Variants in MARCHF3 observed in about 807,000 individuals in gnomAD.
The protein encoded by MARCHF3 is membrane associated ring-CH-type finger 3.
In MARCHF3, 13 loss-of-function variants were observed where a neutral mutation model predicts 24.2. That is an observed-to-expected ratio of 0.54 (90% CI 0.35 to 0.85). The LOEUF is 0.85. MARCHF3 is among the 40% of genes least tolerant of loss of function. The pLI is 0.01. For missense variants in MARCHF3, 276 were observed against 325.0 expected (o/e 0.85, Z 1.16); for synonymous variants, 144 against 137.3 (o/e 1.05, Z -0.34).
intron 1 of MARCHF3, among the ~76,000 whole-genome samples, chr5:126,965,583 A>C (rs529067046): frequency 1.3e-5 from 2 of 152,346 alleles, no homozygotes; most frequent in South Asian, 2.1e-4. Flanking sequence ...TATTAATATT[A>C]ATGCTGATTG....
intron 1 of MARCHF3, among the ~76,000 whole-genome samples, chr5:126,919,194 C>G (rs1749014816): frequency 6.6e-6 from 1 of 152,162 alleles, no homozygotes; most frequent in South Asian, 2.1e-4. Context: ...TCAAAGCACT[C>G]AGACCCACTG....
At chr5:126,985,775 T>A (rs1751545986) in intron 1 of MARCHF3, among the ~76,000 whole-genome samples, 1 of 152,182 alleles carries the variant, frequency 6.6e-6, no homozygotes, top group Non-Finnish European at 1.5e-5. Context: ...GCGCCCGGCC[T>A]ACCTGGATGA....
chr5:126,973,356 T>C (rs1303834535), intron 1 of MARCHF3, among the ~76,000 whole-genome samples: 1 of 152,252 alleles, frequency 6.6e-6, no homozygotes, highest in African/African-American at 2.4e-5. Context: ...GTAAACACAT[T>C]CTGTATCAGC....
chr5:126,992,845 C>G (rs191878879), intron 1 of MARCHF3, among the ~76,000 whole-genome samples: 2 of 132,550 alleles, frequency 1.5e-5, no homozygotes, highest in Non-Finnish European at 3.1e-5. Flanking sequence ...GATCTCTGTT[C>G]ACTGCAACCT....
chr5:126,873,993 G>C (rs964892879), intron 4 of MARCHF3, among the ~76,000 whole-genome samples: 1 of 152,126 alleles, frequency 6.6e-6, no homozygotes, highest in Admixed American at 6.5e-5. Context: ...CGAGGAAAAA[G>C]AAAACATAAA....
intron 2 of MARCHF3, 61 bp from the exon 3 acceptor site, chr5:126,915,195 G>GC: frequency 2.0e-6 from 3 of 1,536,246 alleles, no homozygotes; most frequent in Non-Finnish European, 2.7e-6. Flanking sequence ...CAAGTGGATG[G>GC]CCCTCTAGCT....
At chr5:126,973,879 A>ATTTTTTTT (rs10585434) in intron 1 of MARCHF3, among the ~76,000 whole-genome samples, 2 of 82,942 alleles carry the variant, frequency 2.4e-5, no homozygotes, top group African/African-American at 4.9e-5. Context: ...AGCAAAATCT[A>ATTTTTTTT]TTTTTTTTTT....
chr5:126,952,551 C>T (rs79263673), intron 1 of MARCHF3, among the ~76,000 whole-genome samples: 2,507 of 152,184 alleles, frequency 0.016, 63 homozygotes, highest in African/African-American at 0.057. Context: ...CTGTCCTTTA[C>T]GAAATTTAAA....
At chr5:126,896,006 A>C (rs1222546376) in intron 3 of MARCHF3, among the ~76,000 whole-genome samples, 1 of 152,018 alleles carries the variant, frequency 6.6e-6, no homozygotes, top group Non-Finnish European at 1.5e-5. Context: ...GCGGGATATA[A>C]TCTGGTGCGC....
At position 126,914,968 on chromosome 5, in the gene MARCHF3, T is replaced by G; in HGVS notation, c.355A>C (p.Arg119=). ...NTSYCELCHF[R]FAVERKPRPL... ...CTGGGTTTGCGCTCGACTGCAAACCTGAAGTGGCAGAGTTCACAGTAGCTG... is the reference window on the plus strand; with the variant it reads ...CTGGGTTTGCGCTCGACTGCAAACCGGAAGTGGCAGAGTTCACAGTAGCTG... Residue 119 remains arginine (R), a synonymous_variant, in exon 3 of 5, where the codon AGG becomes CGG. Transcript: ENST00000308660. 6.2e-7 allele frequency: 1 copy of G among 1,614,230 alleles called. No homozygotes were observed. Among genetic ancestry groups the G allele is most frequent in the South Asian group, 1.1e-5 (1 of 91,090 alleles).
chr5:126,902,381 A>C (rs530700827), intron 3 of MARCHF3, among the ~76,000 whole-genome samples: 1 of 152,262 alleles, frequency 6.6e-6, no homozygotes, highest in South Asian at 2.1e-4. Flanking sequence ...TTCTGCTCAC[A>C]GAAGTCCTTG....
At chr5:126,954,329 G>A (rs1750362083) in intron 1 of MARCHF3, among the ~76,000 whole-genome samples, 1 of 151,354 alleles carries the variant, frequency 6.6e-6, no homozygotes, top group African/African-American at 2.4e-5. Flanking sequence ...GATTACAGGC[G>A]TGAGCCACCG....
At chr5:126,942,869 T>C (rs1340853652) in intron 1 of MARCHF3, among the ~76,000 whole-genome samples, 1 of 152,272 alleles carries the variant, frequency 6.6e-6, no homozygotes, top group East Asian at 1.9e-4. Context: ...CCTGTATCAC[T>C]ACTGTATTAA....
chr5:126,909,651 T>C (rs1260893156), intron 3 of MARCHF3, among the ~76,000 whole-genome samples: 1 of 152,112 alleles, frequency 6.6e-6, no homozygotes, highest in Admixed American at 6.6e-5. Context: ...CACTTCCCAA[T>C]GCCTCACCCT....
intron 1 of MARCHF3, 145 bp from the exon 2 acceptor site, chr5:126,918,372 T>C (rs1748980657): frequency 6.8e-6 from 4 of 589,964 alleles, no homozygotes; most frequent in Admixed American, 6.6e-5. Context: ...TGTTACTGTT[T>C]AATACAAGTG....
At chr5:127,005,816 T>G (rs1752294623) in intron 1 of MARCHF3, among the ~76,000 whole-genome samples, 1 of 152,126 alleles carries the variant, frequency 6.6e-6, no homozygotes, top group South Asian at 2.1e-4. Context: ...TGTACATACA[T>G]GTAGATATGT....
At position 126,882,676 on chromosome 5, in the gene MARCHF3, A is replaced by T. The variant is rs191853048; in HGVS notation, c.394-4282T>A. On this transcript the variant is annotated intron_variant, in intron 3 of 4. Coordinates refer to ENST00000308660, the MANE Select transcript of MARCHF3 (RefSeq NM_178450.5). ...TTTGTGTGTCTGTCTTCCCATTCAA[A>T]CTTACCTTTACATCACTGGTGTCTA... 2.4e-3 allele frequency among the ~76,000 whole-genome samples: 372 copies of T among 152,184 alleles called. 2 individuals are homozygous for T. The highest frequency in any genetic ancestry group is 8.5e-3 in the African/African-American group (352 of 41,510).
At chr5:126,895,643 C>T (rs1753858714) in intron 3 of MARCHF3, among the ~76,000 whole-genome samples, 1 of 152,066 alleles carries the variant, frequency 6.6e-6, no homozygotes, top group South Asian at 2.1e-4. Context: ...GGGTCAGGGA[C>T]CCACTTGAGG....
rs188529418 is a variant in MARCHF3, at chr5:126,987,514, C to A, written c.-57+42836G>T. ...CATGGGTTTTGGACTTCCCAGCCCC[C>A]ACGACTGCGTGAGCCAATTCCTTAA... is the stretch of plus-strand genomic sequence containing the variant. On this transcript the variant is annotated intron_variant, in intron 1 of 4. Coordinates refer to ENST00000308660, the MANE Select transcript of MARCHF3 (RefSeq NM_178450.5). Among the ~76,000 whole-genome samples, 24 of 152,308 alleles carry A rather than the reference C, an allele frequency of 1.6e-4. No homozygotes were observed. The East Asian group carries it at 3.9e-3, about 24-fold the overall frequency.
Sources: allele counts gnomAD v4.1 joint callset (sites outside exome capture counted in the v4.1 genomes callset), GRCh38; gene constraint gnomAD v4.1.1; transcripts MANE v1.5; gene names NCBI Gene and HGNC (gene_info 2026-07-23, HGNC 2026-07-21).